The following TENM2 variants were observed in gnomAD, a reference collection of about 807,000 sequenced individuals.
TENM2 encodes teneurin-2.
In TENM2, 52 loss-of-function variants were observed where a neutral mutation model predicts 245.2. The ratio of observed to expected loss-of-function variants is 0.21; its 90% confidence interval spans 0.17 to 0.27. The LOEUF (loss-of-function observed/expected upper bound fraction) is 0.27. Ranked by LOEUF, TENM2 falls within the 10% of genes least tolerant of loss-of-function variation. The probability of loss-of-function intolerance (pLI) is 1.00; values close to 1 mark genes in which losing one functional copy is unlikely to be tolerated. For synonymous variants in TENM2, 1,363 were observed against 1,438.9 expected (o/e 0.95, Z 1.19); for missense variants, 3,046 against 3,666.8 (o/e 0.83, Z 4.37).
chr5:167,202,225 A>G, the TENM2 span, among the ~76,000 whole-genome samples: 2 of 152,038 alleles, frequency 1.3e-5, no homozygotes, highest in East Asian at 1.9e-4. Flanking sequence ...GATTCTTTCA[A>G]GTTTCTTTAG....
At chr5:167,347,479 G>A (rs1048704872) in intron 1 of TENM2, among the ~76,000 whole-genome samples, 1 of 152,162 alleles carries the variant, frequency 6.6e-6, no homozygotes, top group Admixed American at 6.5e-5. Flanking sequence ...AAACACATCA[G>A]ATTTATTACC....
chr5:168,016,798 T>A (rs1056817665), intron 5 of TENM2, among the ~76,000 whole-genome samples: 13 of 152,218 alleles, frequency 8.5e-5, no homozygotes, highest in Non-Finnish European at 1.6e-4. Context: ...GCAAGTTACT[T>A]CACCTCTCTG....
intron 2 of TENM2, among the ~76,000 whole-genome samples, chr5:167,519,787 T>C (rs984820104): frequency 6.6e-6 from 1 of 152,168 alleles, no homozygotes; most frequent in Non-Finnish European, 1.5e-5. Context: ...ACAATCAAAT[T>C]GTGATTGTTT....
intron 2 of TENM2, among the ~76,000 whole-genome samples, chr5:167,430,187 C>T (rs898171264): frequency 6.6e-6 from 1 of 152,104 alleles, no homozygotes; most frequent in Non-Finnish European, 1.5e-5. Flanking sequence ...ATATACTCTA[C>T]ATTAAAAAAT....
intron 2 of TENM2, among the ~76,000 whole-genome samples, chr5:167,851,167 G>T (rs1224450703): frequency 6.6e-6 from 1 of 151,928 alleles, no homozygotes; most frequent in Non-Finnish European, 1.5e-5. Context: ...TTAACTGGGG[G>T]GTTGTTGATG....
the TENM2 span, among the ~76,000 whole-genome samples, chr5:167,215,209 T>C: frequency 6.6e-6 from 1 of 152,212 alleles, no homozygotes; most frequent in African/African-American, 2.4e-5. Context: ...ATTCACAACC[T>C]TCATTGTGCA....
chr5:167,961,680 G>C (rs1454089576), intron 4 of TENM2, among the ~76,000 whole-genome samples: 1 of 152,190 alleles, frequency 6.6e-6, no homozygotes, highest in Non-Finnish European at 1.5e-5. Flanking sequence ...ACAATCCTAT[G>C]AAGTAGGAAG....
chr5:167,375,659 G>A (rs1760705063), intron 2 of TENM2, among the ~76,000 whole-genome samples, 186 bp downstream of exon 4: 2 of 152,202 alleles, frequency 1.3e-5, no homozygotes, highest in South Asian at 4.1e-4. Flanking sequence ...GAAATGAGAA[G>A]AGAATTTAAA....
intron 2 of TENM2, among the ~76,000 whole-genome samples, chr5:167,775,681 C>T (rs900568604): frequency 7.9e-5 from 12 of 151,938 alleles, no homozygotes; most frequent in African/African-American, 2.7e-4. Context: ...GTTCAGTGTT[C>T]TCGGATTAAA....
chr5:167,948,222 T>C (rs548196110), intron 3 of TENM2, among the ~76,000 whole-genome samples: 1 of 152,324 alleles, frequency 6.6e-6, no homozygotes, highest in South Asian at 2.1e-4. Context: ...TCTGACTTTA[T>C]GGGAATTGGT....
At chr5:167,123,378 C>T in the TENM2 span, among the ~76,000 whole-genome samples, 1 of 152,104 alleles carries the variant, frequency 6.6e-6, no homozygotes, top group African/African-American at 2.4e-5. Flanking sequence ...ACACGGATAA[C>T]ATTTGTCTTT....
intron 2 of TENM2, among the ~76,000 whole-genome samples, chr5:167,783,007 C>G (rs1764301632): frequency 6.6e-6 from 1 of 152,092 alleles, no homozygotes; most frequent in African/African-American, 2.4e-5. Context: ...CTCCACTTGG[C>G]TTGATATTTT....
chr5:167,158,892 C>A, the TENM2 span, among the ~76,000 whole-genome samples: 1 of 144,638 alleles, frequency 6.9e-6, no homozygotes, highest in African/African-American at 2.6e-5. Context: ...TCCTTCCTTC[C>A]TTCCTTCCTT....
At chr5:167,750,541 G>T (rs1035598821) in intron 2 of TENM2, among the ~76,000 whole-genome samples, 3 of 152,048 alleles carry the variant, frequency 2.0e-5, no homozygotes, top group Non-Finnish European at 2.9e-5. Context: ...TGGGGTGATT[G>T]GTATACCATA....
intron 2 of TENM2, among the ~76,000 whole-genome samples, chr5:167,531,566 G>A (rs980970580): frequency 6.6e-6 from 1 of 151,518 alleles, no homozygotes; most frequent in Admixed American, 6.6e-5. Context: ...TTACCGTGCT[G>A]TACAATATAT....
At chr5:168,035,874 T>C (rs1787619980) in intron 5 of TENM2, among the ~76,000 whole-genome samples, 1 of 152,144 alleles carries the variant, frequency 6.6e-6, no homozygotes, top group African/African-American at 2.4e-5. Context: ...ATCTTTAAAA[T>C]TGGGATAAAA....
At chr5:168,184,715 T>G (rs1010149883) in intron 13 of TENM2, among the ~76,000 whole-genome samples, 3 of 152,216 alleles carry the variant, frequency 2.0e-5, no homozygotes, top group Non-Finnish European at 4.4e-5. Context: ...ATCCAGATGC[T>G]TATTGTGGCT....
At chr5:167,258,243 GTA>G in the TENM2 span, among the ~76,000 whole-genome samples, 5 of 135,934 alleles carry the variant, frequency 3.7e-5, no homozygotes, top group East Asian at 2.1e-4. Flanking sequence ...ATATATATAT[GTA>G]TATATATATA....
intron 25 of TENM2, among the ~76,000 whole-genome samples, chr5:168,242,540 C>G (rs1044876483): frequency 2.0e-5 from 3 of 150,804 alleles, no homozygotes; most frequent in East Asian, 3.8e-4. Context: ...TGTAACCACT[C>G]TGTTTGAAGC....
Sources: gnomAD v4.1 joint callset for allele counts (sites outside exome capture counted in the v4.1 genomes callset) on GRCh38, gnomAD v4.1.1 for gene constraint, MANE v1.5 for transcripts, NCBI Gene and HGNC (gene_info 2026-07-23, HGNC 2026-07-21) for gene names.